The following NELL1 variants were observed in gnomAD, a reference collection of about 807,000 sequenced individuals.
NELL1 encodes neural EGFL like 1, also known as protein kinase C-binding protein NELL1.
NELL1 carries 76 observed loss-of-function variants against 107.4 expected under a neutral mutation model. The ratio of observed to expected loss-of-function variants is 0.71; its 90% confidence interval spans 0.59 to 0.86. NELL1 has a LOEUF of 0.86. Ranked by LOEUF, NELL1 falls within the 40% of genes least tolerant of loss-of-function variation. The pLI is 0.00. For synonymous variants in NELL1, 353 were observed against 341.2 expected (o/e 1.03, Z -0.38); for missense variants, 1,024 against 1,005.5 (o/e 1.02, Z -0.25).
rs138336614 is a variant in NELL1 at position 21,540,420 on chromosome 11, T to C, written c.1786+5906T>C. Among the ~76,000 whole-genome samples, 14 of 152,210 alleles carry C rather than the reference T, an allele frequency of 9.2e-5. No homozygotes were observed. In the East Asian group the frequency reaches 2.7e-3, roughly 30 times the overall value. Reference sequence around the variant, plus strand: ...AATCAATTTTTTTAGCTCCTACACATGAGTGAGAACATGAAATATTTACCT... The same window carrying C: ...AATCAATTTTTTTAGCTCCTACACACGAGTGAGAACATGAAATATTTACCT... On this transcript the variant is annotated intron_variant, in intron 16 of 19. Transcript: ENST00000357134.
chr11:21,305,999 A>C (rs1205825284), intron 14 of NELL1, among the ~76,000 whole-genome samples: 1 of 151,948 alleles, frequency 6.6e-6, no homozygotes, highest in Non-Finnish European at 1.5e-5. Flanking sequence ...TTTTGCATCA[A>C]TTCTGTATGC....
chr11:21,541,753 G>T (rs1177823956), intron 16 of NELL1, among the ~76,000 whole-genome samples: 4 of 152,070 alleles, frequency 2.6e-5, no homozygotes, highest in African/African-American at 9.7e-5. Context: ...AGTTTTCTTA[G>T]TGTGCATTAA....
chr11:21,419,083 T>C (rs1852593147), intron 15 of NELL1, among the ~76,000 whole-genome samples: 1 of 152,098 alleles, frequency 6.6e-6, no homozygotes, highest in Non-Finnish European at 1.5e-5. Context: ...TCAGGAAGTC[T>C]GGATGAGTGA....
intron 3 of NELL1, among the ~76,000 whole-genome samples, chr11:20,824,119 T>C (rs1233078238): frequency 6.6e-6 from 1 of 151,112 alleles, no homozygotes; most frequent in East Asian, 1.9e-4. Flanking sequence ...GTTCTCATGA[T>C]AGTGAATGTG....
chr11:20,947,424 G>A lies in NELL1; in HGVS notation c.1160G>A (p.Arg387His), dbSNP rs141323787. The A allele has an allele frequency of 3.8e-3, 6,094 of 1,613,788 alleles. 35 individuals are homozygous for A. The highest frequency in any genetic ancestry group is 0.014 in the Middle Eastern group (83 of 6,060). The change falls in exon 11 of 20, where the codon CGT becomes CAT. Residue 387 changes from arginine to histidine, a missense_variant. Physicochemically the swap from Arg to His is conservative, Grantham distance 29. Transcript: ENST00000357134. ...ATTCTTCCTGAGAATCAGTGCTGCC[G>A]TGTCTGTAGAGGTAAGTGGGCTTGG... The part of the protein sequence containing the change: ...DHILPENQCC[R>H]VCRGHNFCAE...
intron 14 of NELL1, among the ~76,000 whole-genome samples, chr11:21,247,291 T>C (rs1052868022): frequency 6.6e-6 from 1 of 152,232 alleles, no homozygotes; most frequent in Non-Finnish European, 1.5e-5. Context: ...TTATACCTTT[T>C]TTACTTTATA....
At chr11:20,873,386 G>T (rs952671421) in intron 4 of NELL1, among the ~76,000 whole-genome samples, 1 of 152,114 alleles carries the variant, frequency 6.6e-6, no homozygotes, top group Non-Finnish European at 1.5e-5. Context: ...TGAGCCAAGT[G>T]GCTTCAATGA....
chr11:20,858,551 C>G (rs1170095294), intron 4 of NELL1, among the ~76,000 whole-genome samples: 1 of 152,186 alleles, frequency 6.6e-6, no homozygotes, highest in Admixed American at 6.5e-5. Flanking sequence ...AGGACCAGGC[C>G]ATATGGCTGG....
At position 21,294,717 on chromosome 11, in the gene NELL1, G is replaced by A. The variant is rs191499263; in HGVS notation, c.1549+65263G>A. Among the ~76,000 whole-genome samples the A allele has an allele frequency of 4.6e-5, 7 of 152,070 alleles. No homozygotes were observed. The East Asian group carries it at 1.4e-3, about 29-fold the overall frequency. ...GGTCACACAACTAACAGGAGTTGAGGCCACCTTTAAAAGTCAAAGGGTTTG... is the reference window on the plus strand; with the variant it reads ...GGTCACACAACTAACAGGAGTTGAGACCACCTTTAAAAGTCAAAGGGTTTG... On this transcript the variant is annotated intron_variant, in intron 14 of 19. Coordinates refer to ENST00000357134, the MANE Select transcript of NELL1 (RefSeq NM_006157.5).
chr11:21,401,809 A>T (rs1852103298), intron 15 of NELL1, among the ~76,000 whole-genome samples: 1 of 151,748 alleles, frequency 6.6e-6, no homozygotes, highest in Admixed American at 6.6e-5. Flanking sequence ...CTGCCTGCCA[A>T]TGACTGTGAT....
intron 14 of NELL1, among the ~76,000 whole-genome samples, chr11:21,239,213 T>C (rs145465177): frequency 6.6e-6 from 1 of 152,212 alleles, no homozygotes; most frequent in African/African-American, 2.4e-5. Flanking sequence ...TGGTACTTCA[T>C]AAACATTATG....
At chr11:20,931,831 A>G (rs924424636) in intron 9 of NELL1, among the ~76,000 whole-genome samples, 18 of 151,996 alleles carry the variant, frequency 1.2e-4, no homozygotes, top group Admixed American at 5.2e-4. Flanking sequence ...AATTTCTTAT[A>G]TGTGAATTTA....
intron 4 of NELL1, among the ~76,000 whole-genome samples, chr11:20,864,061 C>T (rs1175287139): frequency 6.6e-6 from 1 of 152,002 alleles, no homozygotes; most frequent in Non-Finnish European, 1.5e-5. Context: ...GGCAGCAGCA[C>T]AGCCCAGCCT....
Position 20,892,162 on chromosome 11 carries a change from C to T in NELL1, c.603+6622C>T, listed in dbSNP as rs146516562. Among the ~76,000 whole-genome samples the T allele has an allele frequency of 4.3e-4, 66 of 152,194 alleles. 1 individual carries two copies. The East Asian group carries it at 0.011, about 26-fold the overall frequency. The stretch of plus-strand genomic sequence containing the variant: ...CAAAAGAACTGAAATCATAACAAAC[C>T]GTCTCTCAGATCACGGTGCGATCAA... On this transcript the variant is annotated intron_variant, in intron 5 of 19. Coordinates refer to ENST00000357134, the MANE Select transcript of NELL1 (RefSeq NM_006157.5).
At chr11:20,921,703 A>C (rs377125635) in intron 7 of NELL1, among the ~76,000 whole-genome samples, 7 of 152,032 alleles carry the variant, frequency 4.6e-5, no homozygotes, top group African/African-American at 1.4e-4. Context: ...TTCAGATCAT[A>C]CCTGTTTGGA....
chr11:20,985,666 TAGA>T (rs1851838699), intron 12 of NELL1, among the ~76,000 whole-genome samples: 1 of 152,166 alleles, frequency 6.6e-6, no homozygotes, highest in South Asian at 2.1e-4. Flanking sequence ...GGAAGAAGAT[TAGA>T]AGAAGATTAG....
intron 15 of NELL1, among the ~76,000 whole-genome samples, chr11:21,439,737 G>C (rs773518539): frequency 6.6e-6 from 1 of 152,052 alleles, no homozygotes; most frequent in Non-Finnish European, 1.5e-5. Flanking sequence ...TGTTGAGTGT[G>C]ATCCGCATAG....
At chr11:20,708,079 G>A (rs569853818) in intron 2 of NELL1, among the ~76,000 whole-genome samples, 7 of 152,356 alleles carry the variant, frequency 4.6e-5, no homozygotes, top group Admixed American at 2.0e-4. Flanking sequence ...CTGCTGCTTT[G>A]CAGTTTGATC....
chr11:20,710,671 G>A (rs1855089599), intron 2 of NELL1, among the ~76,000 whole-genome samples: 1 of 151,664 alleles, frequency 6.6e-6, no homozygotes, highest in Non-Finnish European at 1.5e-5. Flanking sequence ...GTCCTGGAGT[G>A]TTTTTTGTTG....
Sources: allele counts gnomAD v4.1 joint callset (sites outside exome capture counted in the v4.1 genomes callset), GRCh38; gene constraint gnomAD v4.1.1; transcripts MANE v1.5; gene names NCBI Gene and HGNC (gene_info 2026-07-23, HGNC 2026-07-21).